Variants in PELI2 observed in about 807,000 individuals in gnomAD.
The protein encoded by PELI2 is pellino E3 ubiquitin protein ligase family member 2.
In PELI2, 23 loss-of-function variants were observed where a neutral mutation model predicts 42.3. That is an observed-to-expected ratio of 0.54 (90% CI 0.39 to 0.77). PELI2 has a LOEUF of 0.77. Ranked by LOEUF, PELI2 falls within the 30% of genes least tolerant of loss-of-function variation. The pLI is 0.00. For missense variants in PELI2, 463 were observed against 553.2 expected, an observed-to-expected ratio of 0.84 and a Z score of 1.64; for synonymous variants, 245 against 212.2, an observed-to-expected ratio of 1.15 and a Z score of -1.34.
intron 2 of PELI2, among the ~76,000 whole-genome samples, chr14:56,228,682 T>C (rs1594661021): frequency 6.6e-6 from 1 of 152,154 alleles, no homozygotes; most frequent in African/African-American, 2.4e-5. Flanking sequence ...GCTCCCAGTG[T>C]GAGCGATGCA....
chr14:56,144,243 G>A (rs887572943), intron 1 of PELI2, among the ~76,000 whole-genome samples: 2 of 152,140 alleles, frequency 1.3e-5, no homozygotes, highest in Admixed American at 6.5e-5. Context: ...TTCAACCAGA[G>A]AAACAGAACT....
chr14:56,284,794 C>T (rs534189026), intron 3 of PELI2, among the ~76,000 whole-genome samples: 1 of 152,276 alleles, frequency 6.6e-6, no homozygotes, highest in East Asian at 1.9e-4. Context: ...TCAGAAACTC[C>T]TTTGATGACT....
At chr14:56,145,576 C>A (rs1884084594) in intron 1 of PELI2, among the ~76,000 whole-genome samples, 1 of 152,152 alleles carries the variant, frequency 6.6e-6, no homozygotes, top group Non-Finnish European at 1.5e-5. Flanking sequence ...CCTTTGAGAG[C>A]AGGATAACTC....
intron 1 of PELI2, among the ~76,000 whole-genome samples, chr14:56,137,708 A>G (rs905137798): frequency 7.9e-5 from 12 of 152,226 alleles, no homozygotes; most frequent in African/African-American, 2.9e-4. Context: ...AGATTGTGCG[A>G]TCACATTTGA....
chr14:56,224,981 C>CG (rs1887289231), intron 2 of PELI2, among the ~76,000 whole-genome samples: 1 of 152,152 alleles, frequency 6.6e-6, no homozygotes, highest in Non-Finnish European at 1.5e-5. Flanking sequence ...GTTTCTCCCC[C>CG]AGTGCTCTGC....
chr14:56,148,834 G>T (rs1329647075), intron 1 of PELI2, among the ~76,000 whole-genome samples: 1 of 152,126 alleles, frequency 6.6e-6, no homozygotes, highest in East Asian at 1.9e-4. Context: ...CCTGTGCTTG[G>T]CAAGAGTGAA....
Position 56,151,297 on chromosome 14 carries a change from G to T in PELI2, c.78-27038G>T, listed in dbSNP as rs545491993. Among the ~76,000 whole-genome samples, 4 of 152,116 alleles carry T rather than the reference G, an allele frequency of 2.6e-5. No individual in the cohort carries two copies. The South Asian group carries it at 6.2e-4, about 24-fold the overall frequency. On this transcript the variant is annotated intron_variant, in intron 1 of 5. Coordinates refer to ENST00000267460, the MANE Select transcript of PELI2 (RefSeq NM_021255.3). ...TTTTACTTCTAGCCAGTGCATTGTT[G>T]TGCAGTTATCACCTCTGTGAACTCA...
At chr14:56,167,404 C>T (rs1270331437) in intron 1 of PELI2, among the ~76,000 whole-genome samples, 1 of 151,992 alleles carries the variant, frequency 6.6e-6, no homozygotes, top group Non-Finnish European at 1.5e-5. Context: ...TTTCAAATAT[C>T]CTGTCTTCAG....
In PELI2 at chr14:56,237,624, A is replaced by G. The variant is rs1382975; in HGVS notation, c.208-42052A>G. 5.5e-3 allele frequency among the ~76,000 whole-genome samples: 829 copies of G among 151,058 alleles called. 4 individuals are homozygous for G. Among genetic ancestry groups the G allele is most frequent in the Middle Eastern group, 0.017 (5 of 292 alleles). On this transcript the variant is annotated intron_variant, in intron 2 of 5. Transcript: ENST00000267460. ...GGTGTCTCTAGCTGCTTCTTGGGCA[A>G]TATGGTTTGAGGTAAATCTCCATCC...
intron 1 of PELI2, among the ~76,000 whole-genome samples, chr14:56,134,557 T>C (rs1009249346): frequency 6.6e-6 from 1 of 152,220 alleles, no homozygotes; most frequent in Admixed American, 6.5e-5. Flanking sequence ...TGATATTTGC[T>C]GTTCAGCCAA....
intron 1 of PELI2, among the ~76,000 whole-genome samples, chr14:56,141,314 TG>T (rs1883898126): frequency 6.6e-6 from 1 of 152,236 alleles, no homozygotes; most frequent in Non-Finnish European, 1.5e-5. Flanking sequence ...GAATGTTGTA[TG>T]TGCGCCCCTG....
intron 1 of PELI2, among the ~76,000 whole-genome samples, chr14:56,161,710 T>C (rs1884771241): frequency 6.6e-6 from 1 of 152,224 alleles, no homozygotes; most frequent in Non-Finnish European, 1.5e-5. Context: ...ATTTGATGCA[T>C]TTTGAATGAA....
chr14:56,127,895 C>T (rs1883336286), intron 1 of PELI2, among the ~76,000 whole-genome samples: 1 of 152,072 alleles, frequency 6.6e-6, no homozygotes, highest in African/African-American at 2.4e-5. Context: ...ATTGAACTTC[C>T]AGATGATGTT....
intron 1 of PELI2, among the ~76,000 whole-genome samples, chr14:56,152,146 T>C (rs765482056): frequency 1.3e-5 from 2 of 152,238 alleles, no homozygotes; most frequent in Non-Finnish European, 2.9e-5. Context: ...CACATCCCTT[T>C]GTCCCAAACC....
chr14:56,171,032 A>C (rs1009678267), intron 1 of PELI2, among the ~76,000 whole-genome samples: 2 of 152,216 alleles, frequency 1.3e-5, no homozygotes, highest in African/African-American at 4.8e-5. Flanking sequence ...GTGCCAGCCC[A>C]GGGAACGTTC....
intron 5 of PELI2, among the ~76,000 whole-genome samples, chr14:56,293,648 T>C (rs1178930351): frequency 2.6e-5 from 4 of 152,104 alleles, no homozygotes; most frequent in East Asian, 3.9e-4. Flanking sequence ...TGCCCTCTAA[T>C]TGCATGGTCT....
intron 1 of PELI2, among the ~76,000 whole-genome samples, chr14:56,151,653 A>G (rs935570785): frequency 3.9e-5 from 6 of 152,216 alleles, no homozygotes; most frequent in African/African-American, 1.2e-4. Flanking sequence ...GAGGATATTA[A>G]CAGGGCCTCC....
chr14:56,282,906 GA>G (rs1444801896), intron 3 of PELI2, among the ~76,000 whole-genome samples: 1 of 151,942 alleles, frequency 6.6e-6, no homozygotes, highest in Non-Finnish European at 1.5e-5. Flanking sequence ...AGATTTTAAA[GA>G]TTTTTTTTAC....
At chr14:56,188,846 G>C (rs1386731617) in intron 2 of PELI2, among the ~76,000 whole-genome samples, 1 of 152,094 alleles carries the variant, frequency 6.6e-6, no homozygotes, top group African/African-American at 2.4e-5. Flanking sequence ...CCTTTTTGTG[G>C]CTCATCTTTC....
Sources: gnomAD v4.1 joint callset for allele counts (sites outside exome capture counted in the v4.1 genomes callset) on GRCh38, gnomAD v4.1.1 for gene constraint, MANE v1.5 for transcripts, NCBI Gene and HGNC (gene_info 2026-07-23, HGNC 2026-07-21) for gene names.